PRKD1: variants seen among roughly 807,000 people sequenced by gnomAD.
PRKD1 encodes the protein protein kinase D1, also known as serine/threonine-protein kinase D1.
In PRKD1, 63 loss-of-function variants were observed where a neutral mutation model predicts 95.9. The observed-to-expected ratio is 0.66, with a 90% CI of 0.54 to 0.81. The LOEUF (loss-of-function observed/expected upper bound fraction) is 0.81. Among genes scored for constraint, PRKD1 ranks in the 30% least tolerant of loss-of-function variants. The pLI, the probability that PRKD1 is intolerant of heterozygous loss-of-function variation, is 0.00. For synonymous variants in PRKD1, 425 were observed against 423.1 expected (o/e 1.00, Z -0.05); for missense variants, 1,048 against 1,165.3 (o/e 0.90, Z 1.47).
At chr14:29,750,616 G>GCGCACACACACACACACACACA (rs72239992) in intron 1 of PRKD1, among the ~76,000 whole-genome samples, 24 of 148,372 alleles carry the variant, frequency 1.6e-4, no homozygotes, top group African/African-American at 5.0e-4. Flanking sequence ...ATGAACGCGC[G>GCGCACACACACACACACACACA]CACACACACA....
At chr14:29,586,921 A>G (rs1892953901) in intron 16 of PRKD1, among the ~76,000 whole-genome samples, 1 of 152,150 alleles carries the variant, frequency 6.6e-6, no homozygotes, top group Admixed American at 6.5e-5. Context: ...CACCGTGCCC[A>G]GCCCACTTTA....
At chr14:29,857,999 C>T (rs1470394651) in intron 1 of PRKD1, among the ~76,000 whole-genome samples, 1 of 152,144 alleles carries the variant, frequency 6.6e-6, no homozygotes, top group East Asian at 1.9e-4. Flanking sequence ...TGTGAGCCAG[C>T]TAAGAAATTT....
intron 1 of PRKD1, among the ~76,000 whole-genome samples, chr14:29,760,233 A>AT (rs778741414): frequency 6.6e-6 from 1 of 152,234 alleles, no homozygotes; most frequent in South Asian, 2.1e-4. Flanking sequence ...CTTTATGCCA[A>AT]TAAAAAACCA....
intron 1 of PRKD1, among the ~76,000 whole-genome samples, chr14:29,803,322 A>G (rs1430071588): frequency 6.6e-6 from 1 of 152,212 alleles, no homozygotes; most frequent in Non-Finnish European, 1.5e-5. Flanking sequence ...AAGGTCTAGC[A>G]AGAATATTTT....
At chr14:29,602,850 G>A (rs1186260774) in intron 13 of PRKD1, among the ~76,000 whole-genome samples, 2 of 152,172 alleles carry the variant, frequency 1.3e-5, no homozygotes, top group Non-Finnish European at 2.9e-5. Flanking sequence ...TTTATTTCCA[G>A]AATTGGGGTA....
At chr14:29,719,436 C>T (rs1885779119) in intron 2 of PRKD1, among the ~76,000 whole-genome samples, 1 of 152,146 alleles carries the variant, frequency 6.6e-6, no homozygotes, top group South Asian at 2.1e-4. Flanking sequence ...TTACAAATAT[C>T]ATCAATGGTC....
chr14:29,852,315 A>G (rs1180454485), intron 1 of PRKD1, among the ~76,000 whole-genome samples: 2 of 152,170 alleles, frequency 1.3e-5, no homozygotes, highest in African/African-American at 2.4e-5. Context: ...GGAAATTATG[A>G]TGCTTAAAAG....
chr14:29,859,875 TATAAC>T (rs201500450), intron 1 of PRKD1, among the ~76,000 whole-genome samples: 1,554 of 152,260 alleles, frequency 0.01, 24 homozygotes, highest in Middle Eastern at 0.027. Context: ...AATAATTAAT[TATAAC>T]ATACTCAGTC....
At chr14:29,881,812 C>A (rs1893524341) in intron 1 of PRKD1, among the ~76,000 whole-genome samples, 3 of 152,102 alleles carry the variant, frequency 2.0e-5, no homozygotes, top group African/African-American at 7.2e-5. Flanking sequence ...CAATTACTCA[C>A]CCAAGTCATA....
chr14:29,871,310 T>A, intron 1 of PRKD1, among the ~76,000 whole-genome samples: 1 of 152,316 alleles, frequency 6.6e-6, no homozygotes, highest in East Asian at 1.9e-4. Context: ...ACTACAAAAG[T>A]GATAATATAA....
At chr14:29,643,743 C>G (rs2139153306) in intron 4 of PRKD1, among the ~76,000 whole-genome samples, 1 of 152,254 alleles carries the variant, frequency 6.6e-6, no homozygotes, top group South Asian at 2.1e-4. Context: ...GAAAAGTTGC[C>G]TTTACTTGTG....
At chr14:29,629,008 T>C (rs1337991021) in intron 11 of PRKD1, 33 bp downstream of exon 11, 3 of 1,420,506 alleles carry the variant, frequency 2.1e-6, no homozygotes, top group Admixed American at 2.2e-5. Flanking sequence ...GTAATCACAT[T>C]AGCAAGTTTT....
chr14:29,837,720 C>A (rs945695531), intron 1 of PRKD1, among the ~76,000 whole-genome samples: 4 of 152,134 alleles, frequency 2.6e-5, no homozygotes, highest in Non-Finnish European at 5.9e-5. Flanking sequence ...AATAGTAATT[C>A]ATGTGAGTAA....
chr14:29,747,422 A>G (rs1013399047), intron 1 of PRKD1, among the ~76,000 whole-genome samples: 1 of 152,150 alleles, frequency 6.6e-6, no homozygotes, highest in African/African-American at 2.4e-5. Context: ...TATCATTACC[A>G]TATGACCCAG....
At chr14:29,817,939 C>CA (rs1286033611) in intron 1 of PRKD1, among the ~76,000 whole-genome samples, 1 of 151,828 alleles carries the variant, frequency 6.6e-6, no homozygotes, top group Non-Finnish European at 1.5e-5. Flanking sequence ...ACACAAATGA[C>CA]AAAAACAGCA....
intron 1 of PRKD1, among the ~76,000 whole-genome samples, chr14:29,790,829 A>G (rs1656108751): frequency 6.6e-6 from 1 of 152,226 alleles, no homozygotes; most frequent in African/African-American, 2.4e-5. Flanking sequence ...TTGCATTTTA[A>G]AGAGTAGATC....
In PRKD1 at chr14:29,619,121, G is replaced by C. The variant is rs114126278; in HGVS notation, c.1905+5031C>G. Among the ~76,000 whole-genome samples, 392 of 152,102 alleles carry C rather than the reference G, an allele frequency of 2.6e-3. 1 individual carries two copies. The highest frequency in any genetic ancestry group is 4.9e-3 in the Non-Finnish European group (333 of 67,984). On this transcript the variant is annotated intron_variant, in intron 13 of 17. Transcript: ENST00000331968. ...AATAGAATTTTATTTCTCAAGATTAGTAAAAGAAAATCTTCCTCTCCATTC... is the reference window on the plus strand; with the variant it reads ...AATAGAATTTTATTTCTCAAGATTACTAAAAGAAAATCTTCCTCTCCATTC...
intron 1 of PRKD1, among the ~76,000 whole-genome samples, chr14:29,730,239 T>C (rs1412060818): frequency 5.9e-5 from 9 of 152,010 alleles, no homozygotes; most frequent in Non-Finnish European, 1.3e-4. Flanking sequence ...AAAGAAGACA[T>C]ATAAATGGAC....
At chr14:29,800,716 G>T (rs1315397283) in intron 1 of PRKD1, among the ~76,000 whole-genome samples, 6 of 152,064 alleles carry the variant, frequency 3.9e-5, no homozygotes, top group Admixed American at 2.0e-4. Context: ...TGAATTTTTT[G>T]AAATGAGTAT....
Sources: gnomAD v4.1 joint callset for allele counts (sites outside exome capture counted in the v4.1 genomes callset) on GRCh38, gnomAD v4.1.1 for gene constraint, MANE v1.5 for transcripts, NCBI Gene and HGNC (gene_info 2026-07-23, HGNC 2026-07-21) for gene names.